CUX2: variants seen among roughly 807,000 people sequenced by gnomAD.
CUX2 encodes the protein cut like homeobox 2, also known as homeobox protein cut-like 2.
Under a neutral mutation model 144.8 loss-of-function variants are expected in CUX2, and 40 were observed. That is an observed-to-expected ratio of 0.28 (90% CI 0.21 to 0.36). The LOEUF is 0.36. Ranked by LOEUF, CUX2 falls within the 10% of genes least tolerant of loss-of-function variation. CUX2 has a pLI of 1.00. For missense variants in CUX2, 1,615 were observed against 1,994.0 expected, an observed-to-expected ratio of 0.81 and a Z score of 3.62; for synonymous variants, 827 against 875.6, an observed-to-expected ratio of 0.94 and a Z score of 0.98.
At chr12:111,175,749 CAGTT>C (rs1878813260) in intron 1 of CUX2, among the ~76,000 whole-genome samples, 2 of 151,878 alleles carry the variant, frequency 1.3e-5, no homozygotes, top group African/African-American at 4.8e-5. Context: ...TCGGAGACAT[CAGTT>C]AAAGTGTATG....
At chr12:111,262,501 C>T (rs1252966856) in intron 3 of CUX2, among the ~76,000 whole-genome samples, 2 of 151,746 alleles carry the variant, frequency 1.3e-5, no homozygotes, top group African/African-American at 2.4e-5. Context: ...ACCTCAGCCT[C>T]CTGAGTAGCT....
At chr12:111,290,586 C>T (rs1048770206) in intron 4 of CUX2, among the ~76,000 whole-genome samples, 2 of 152,062 alleles carry the variant, frequency 1.3e-5, no homozygotes, top group Non-Finnish European at 2.9e-5. Context: ...CACCACCACA[C>T]CCAGCTAATT....
chr12:111,307,347 T>C lies in CUX2; in HGVS notation c.1109+90T>C. 8.5e-7 allele frequency: 1 copy of C among 1,180,598 alleles called. No individual in the cohort carries two copies. The highest frequency in any genetic ancestry group is 2.4e-5 in the East Asian group (1 of 42,168). The allele number at this position is 1,180,598 out of a possible 1,614,324, so 73.1% of individuals were successfully genotyped here. On this transcript the variant is annotated intron_variant, in intron 12 of 21. Coordinates refer to ENST00000261726, the MANE Select transcript of CUX2 (RefSeq NM_015267.4). The surrounding 1 kb of genome is among the most constrained non-coding windows in gnomAD (Gnocchi z 4.1). ...AGTTCATCATCTTCCTCCCTCCTAC[T>C]AAACCCCATTTGTTCTTCTCTCCAC...
At position 111,310,910 on chromosome 12, in the gene CUX2, C is replaced by T. The variant is rs1056600087; in HGVS notation, c.1900+228C>T. 2.0e-5 allele frequency among the ~76,000 whole-genome samples: 3 copies of T among 152,262 alleles called. No individual in the cohort carries two copies. The highest frequency in any genetic ancestry group is 2.0e-4 in the Admixed American group (3 of 15,290). ...CTGGCCCTGGCCAGAGACAGTCTGC[C>T]CTTCCTGGGGCACTCAGGGTAAGGG... On this transcript the variant is annotated intron_variant, in intron 15 of 21. Coordinates refer to ENST00000261726, the MANE Select transcript of CUX2 (RefSeq NM_015267.4). This position sits in a 1 kb window ranked among gnomAD's most constrained non-coding sequence, Gnocchi z 7.9.
chr12:111,199,812 G>T (rs1880467806), intron 1 of CUX2, among the ~76,000 whole-genome samples: 1 of 151,834 alleles, frequency 6.6e-6, no homozygotes, highest in African/African-American at 2.4e-5. Flanking sequence ...TACATGTATG[G>T]ATCTCTGTGT....
chr12:111,171,968 C>T lies in CUX2; in HGVS notation c.64-42232C>T, dbSNP rs1878552385. On this transcript the variant is annotated intron_variant, in intron 1 of 21. Coordinates refer to ENST00000261726, the MANE Select transcript of CUX2 (RefSeq NM_015267.4). This position sits in a 1 kb window ranked among gnomAD's most constrained non-coding sequence, Gnocchi z 5.0. ...ACGTGCGTGTGTGTGCGTGCATGTG[C>T]ATGCACCTGTGTGTGTGTGCATGTG... Among the ~76,000 whole-genome samples, 1 of 151,694 alleles carries T rather than the reference C, an allele frequency of 6.6e-6. No individual in the cohort carries two copies. The highest frequency in any genetic ancestry group is 2.4e-5 in the African/African-American group (1 of 41,158).
chr12:111,100,174 C>T, intron 1 of CUX2: 1 of 415,662 alleles, frequency 2.4e-6, no homozygotes, highest in Non-Finnish European at 4.8e-6. Context: ...AGAGCAGGAG[C>T]CTGTGACTGT....
At chr12:111,098,378 C>T (rs1440177982) in intron 1 of CUX2, among the ~76,000 whole-genome samples, 1 of 148,556 alleles carries the variant, frequency 6.7e-6, no homozygotes, top group Non-Finnish European at 1.5e-5. Context: ...CCAGCCTGAG[C>T]GACAGAGCGA....
At chr12:111,328,580 TTGTGTGTGTGTGTGTGTGTGTG>T (rs568983449) in intron 18 of CUX2, among the ~76,000 whole-genome samples, 1 of 135,752 alleles carries the variant, frequency 7.4e-6, no homozygotes, top group African/African-American at 2.8e-5. Context: ...CCAATTTCTT[TTGTGTGTGTGTGTGTGTGTGTG>T]TGTGTGTGTG....
In CUX2 at chr12:111,341,924, C is replaced by G; in HGVS notation, c.3530C>G (p.Pro1177Arg). ...AAGAAGCCCCGGGTGGTGCTGGCAC[C>G]CGAGGAGAAGGAGGCACTGCGGAAG... is the stretch of plus-strand genomic sequence containing the variant. ...QIKKPRVVLA[P>R]EEKEALRKAY... The change falls in exon 21 of 22, where the codon CCC (proline) becomes CGC (arginine). Residue 1177 changes from proline (P) to arginine (R), a missense_variant. Physicochemically the swap from Pro to Arg is moderately radical, Grantham distance 103 (BLOSUM62 -2). Coordinates refer to ENST00000261726, the MANE Select transcript of CUX2 (RefSeq NM_015267.4). 1 of 1,614,094 alleles carries G rather than the reference C, an allele frequency of 6.2e-7. No homozygotes were observed. Among genetic ancestry groups the G allele is most frequent in the Non-Finnish European group, 8.5e-7 (1 of 1,180,022 alleles).
At chr12:111,329,985 A>T (rs1322105084) in intron 18 of CUX2, among the ~76,000 whole-genome samples, 1 of 149,546 alleles carries the variant, frequency 6.7e-6, no homozygotes, top group African/African-American at 2.5e-5. Flanking sequence ...CCTGCTGCCG[A>T]CAGTGGGCAG....
At chr12:111,299,806 G>A (rs1886194880) in intron 9 of CUX2, among the ~76,000 whole-genome samples, 1 of 152,196 alleles carries the variant, frequency 6.6e-6, no homozygotes, top group African/African-American at 2.4e-5. Flanking sequence ...CTCCCCTGCA[G>A]CAGCCTCTCT....
At chr12:111,259,177 T>C (rs778203900) in intron 3 of CUX2, among the ~76,000 whole-genome samples, 1 of 152,044 alleles carries the variant, frequency 6.6e-6, no homozygotes, top group Non-Finnish European at 1.5e-5. Context: ...GCTGAGATTA[T>C]AGGTGTGAGC....
Position 111,310,359 on chromosome 12 carries a change from G to A in CUX2, c.1577G>A (p.Gly526Asp), listed in dbSNP as rs1246804046. 1 of 1,578,010 alleles carries A rather than the reference G, an allele frequency of 6.3e-7. No homozygotes were observed. Among genetic ancestry groups the A allele is most frequent in the Non-Finnish European group, 8.6e-7 (1 of 1,158,552 alleles). The change falls in exon 15 of 22, where the codon GGC (glycine) becomes GAC (aspartate). Residue 526 changes from glycine (G) to aspartate (D), a missense_variant. Gly to Asp is a moderately conservative substitution (Grantham distance 94). This residue lies in a region of CUX2 where 154 missense variants were observed against 148.4 expected (regional missense o/e 1.04). Transcript: ENST00000261726. The surrounding 1 kb of genome is among the most constrained non-coding windows in gnomAD (Gnocchi z 7.9). Reference protein sequence around the residue: ...PPTAPATPAPGPEPLGGPEPA... With the variant: ...PPTAPATPAPDPEPLGGPEPA... Reference sequence around the variant, plus strand: ...ACAGCCCCTGCCACCCCGGCCCCTGGCCCTGAGCCACTGGGCGGTCCTGAG... The same window carrying A: ...ACAGCCCCTGCCACCCCGGCCCCTGACCCTGAGCCACTGGGCGGTCCTGAG...
chr12:111,080,401 G>T (rs974230551), intron 1 of CUX2, among the ~76,000 whole-genome samples: 1 of 151,980 alleles, frequency 6.6e-6, no homozygotes, highest in African/African-American at 2.4e-5. Flanking sequence ...GCCAGGAGTG[G>T]TGGCTCACGC....
chr12:111,276,212 G>A (rs1328111708), intron 4 of CUX2, among the ~76,000 whole-genome samples: 1 of 152,094 alleles, frequency 6.6e-6, no homozygotes, highest in Non-Finnish European at 1.5e-5. Flanking sequence ...AAATAGCTGG[G>A]CATGGTGACG....
chr12:111,048,246 T>C (rs897694920), intron 1 of CUX2, among the ~76,000 whole-genome samples: 1 of 152,060 alleles, frequency 6.6e-6, no homozygotes, highest in Non-Finnish European at 1.5e-5. Context: ...ATAGGAAACA[T>C]TGAAGGGAGG....
At chr12:111,283,640 T>C (rs1885238437) in intron 4 of CUX2, among the ~76,000 whole-genome samples, 2 of 152,180 alleles carry the variant, frequency 1.3e-5, no homozygotes, top group Non-Finnish European at 2.9e-5. Flanking sequence ...TCCCTGGTGA[T>C]GTTACAGCCA....
intron 1 of CUX2, among the ~76,000 whole-genome samples, chr12:111,060,109 C>A (rs1592855864): frequency 6.6e-6 from 1 of 152,260 alleles, no homozygotes; most frequent in African/African-American, 2.4e-5. Context: ...TGACCCCACA[C>A]CCTCTCCCCA....
Sources: allele counts gnomAD v4.1 joint callset (sites outside exome capture counted in the v4.1 genomes callset), GRCh38; gene constraint gnomAD v4.1.1; regional missense constraint gnomAD v4.1.1; non-coding constraint Gnocchi (gnomAD v3.1); transcripts MANE v1.5; gene names NCBI Gene and HGNC (gene_info 2026-07-23, HGNC 2026-07-21).